The following OPCML variants were observed in gnomAD, a reference collection of about 807,000 sequenced individuals.
OPCML encodes the protein opioid-binding protein/cell adhesion molecule.
A neutral mutation model predicts 37.8 loss-of-function variants in OPCML; 13 were observed. The ratio of observed to expected loss-of-function variants is 0.34; its 90% CI spans 0.22 to 0.55. The LOEUF is 0.55. Ranked by LOEUF, OPCML falls within the 20% of genes least tolerant of loss-of-function variation. The pLI is 0.91. For synonymous variants in OPCML, 176 were observed against 168.8 expected (o/e 1.04, Z -0.33); for missense variants, 341 against 435.6 (o/e 0.78, Z 1.93).
At chr11:133,219,034 T>C (rs1287534091) in intron 1 of OPCML, among the ~76,000 whole-genome samples, 2 of 152,226 alleles carry the variant, frequency 1.3e-5, no homozygotes, top group East Asian at 3.9e-4. Context: ...GTGTGCTCTA[T>C]ATTATGCGTT....
chr11:133,229,010 C>T (rs753858486), intron 1 of OPCML, among the ~76,000 whole-genome samples: 1 of 152,130 alleles, frequency 6.6e-6, no homozygotes, highest in African/African-American at 2.4e-5. Context: ...TGTGCTCAGG[C>T]CTTCTTATCA....
At chr11:133,418,490 A>G (rs985406416) in intron 1 of OPCML, 2 of 984,976 alleles carry the variant, frequency 2.0e-6, no homozygotes, top group African/African-American at 3.5e-5. Flanking sequence ...AGATAAAATA[A>G]TAGTCATAAA....
intron 1 of OPCML, among the ~76,000 whole-genome samples, chr11:133,120,894 T>C (rs1205162895): frequency 6.6e-6 from 1 of 152,166 alleles, no homozygotes; most frequent in Non-Finnish European, 1.5e-5. Context: ...ACAATTCTAC[T>C]TACTTACGGT....
chr11:133,438,265 G>C (rs1268843426), intron 1 of OPCML, among the ~76,000 whole-genome samples: 1 of 152,108 alleles, frequency 6.6e-6, no homozygotes, highest in Non-Finnish European at 1.5e-5. Flanking sequence ...TGTTAAAATT[G>C]TTAAAAATAT....
intron 4 of OPCML, among the ~76,000 whole-genome samples, chr11:132,464,541 A>G (rs1368621910): frequency 6.6e-6 from 1 of 152,198 alleles, no homozygotes; most frequent in Non-Finnish European, 1.5e-5. Context: ...TTGTTAAGTA[A>G]AAGAATGAAT....
intron 2 of OPCML, among the ~76,000 whole-genome samples, chr11:132,884,484 G>T (rs190191021): frequency 6.6e-6 from 1 of 152,258 alleles, no homozygotes; most frequent in East Asian, 1.9e-4. Context: ...ATTGCTTGGG[G>T]TTTCTTTATT....
intron 2 of OPCML, among the ~76,000 whole-genome samples, chr11:132,701,835 T>C (rs948639685): frequency 1.3e-5 from 2 of 151,656 alleles, no homozygotes; most frequent in African/African-American, 4.8e-5. Flanking sequence ...TTTTTATCTT[T>C]TGTGTATCTA....
At chr11:132,450,017 C>G (rs1311418990) in intron 4 of OPCML, among the ~76,000 whole-genome samples, 2 of 152,290 alleles carry the variant, frequency 1.3e-5, no homozygotes, top group Non-Finnish European at 2.9e-5. Flanking sequence ...CCTGCGCTGG[C>G]TCTGGTTCTG....
At chr11:132,576,003 T>G (rs1296111153) in intron 3 of OPCML, among the ~76,000 whole-genome samples, 1 of 152,136 alleles carries the variant, frequency 6.6e-6, no homozygotes, top group East Asian at 1.9e-4. Context: ...CCACTCACAC[T>G]TGTATGTAAC....
intron 1 of OPCML, among the ~76,000 whole-genome samples, chr11:133,215,938 C>T (rs541995532): frequency 2.3e-4 from 35 of 152,290 alleles, no homozygotes; most frequent in African/African-American, 8.4e-4. Flanking sequence ...GTAATCTCAC[C>T]TCCTCACTAT....
intron 2 of OPCML, among the ~76,000 whole-genome samples, chr11:132,857,864 T>C (rs1942123347): frequency 6.6e-6 from 1 of 152,164 alleles, no homozygotes; most frequent in African/African-American, 2.4e-5. Context: ...TTTGGAATCC[T>C]CAACAATTTT....
intron 1 of OPCML, among the ~76,000 whole-genome samples, chr11:133,277,586 C>T (rs1942029293): frequency 6.6e-6 from 1 of 152,090 alleles, no homozygotes; most frequent in Admixed American, 6.5e-5. Flanking sequence ...ACCTTTAAGT[C>T]ACCTTTAAGT....
At chr11:133,507,502 G>T (rs1948060663) in intron 1 of OPCML, among the ~76,000 whole-genome samples, 1 of 152,198 alleles carries the variant, frequency 6.6e-6, no homozygotes, top group South Asian at 2.1e-4. Context: ...GAACAGAGTT[G>T]AGGGGAGCTG....
chr11:133,009,708 C>T (rs935303096), intron 1 of OPCML, among the ~76,000 whole-genome samples: 42 of 152,272 alleles, frequency 2.8e-4, no homozygotes, highest in African/African-American at 9.6e-4. Context: ...CAGACTAGGT[C>T]CCTCACATGC....
At chr11:133,497,828 C>T (rs761547539) in intron 1 of OPCML, among the ~76,000 whole-genome samples, 1 of 152,210 alleles carries the variant, frequency 6.6e-6, no homozygotes, top group Non-Finnish European at 1.5e-5. Flanking sequence ...AGACCTTTAG[C>T]TCAAATCCAT....
intron 1 of OPCML, among the ~76,000 whole-genome samples, chr11:133,167,592 A>G (rs1242697223): frequency 2.0e-5 from 3 of 151,396 alleles, no homozygotes; most frequent in African/African-American, 7.3e-5. Context: ...TCTCAGCTCA[A>G]TATCAGGGTT....
intron 2 of OPCML, among the ~76,000 whole-genome samples, chr11:132,879,557 G>A (rs1943147696): frequency 6.6e-6 from 1 of 152,180 alleles, no homozygotes; most frequent in Admixed American, 6.5e-5. Context: ...AAAGGTACTG[G>A]GAAAGTGAGC....
intron 2 of OPCML, among the ~76,000 whole-genome samples, chr11:132,910,532 G>T (rs1350483655): frequency 6.6e-6 from 1 of 152,152 alleles, no homozygotes; most frequent in East Asian, 1.9e-4. Flanking sequence ...TCCCAGGTGC[G>T]GTGGGGATGA....
chr11:132,979,765 G>A lies in OPCML; in HGVS notation c.62-36755C>T, dbSNP rs1460650940. Among the ~76,000 whole-genome samples, 8 of 152,244 alleles carry A rather than the reference G, an allele frequency of 5.3e-5. No homozygotes were observed. In the South Asian group the frequency reaches 1.7e-3, roughly 31 times the overall value. ...CTTCAGAACGTAAGTAACAGTTGAG[G>A]CCCTGGGAGAGGGAGGGTTTAACCA... is the stretch of plus-strand genomic sequence containing the variant. On this transcript the variant is annotated intron_variant, in intron 1 of 7. Transcript: ENST00000524381.
Sources: gnomAD v4.1 joint callset for allele counts (sites outside exome capture counted in the v4.1 genomes callset) on GRCh38, gnomAD v4.1.1 for gene constraint, MANE v1.5 for transcripts, NCBI Gene and HGNC (gene_info 2026-07-23, HGNC 2026-07-21) for gene names.